Variants in C3orf70 observed in about 807,000 individuals in gnomAD.
C3orf70 encodes chromosome 3 open reading frame 70.
Under a neutral mutation model 20.7 loss-of-function variants are expected in C3orf70, and 15 were observed. The ratio of observed to expected loss-of-function variants is 0.72; its 90% confidence interval spans 0.48 to 1.11. The LOEUF (loss-of-function observed/expected upper bound fraction) is 1.11, where lower values mean the gene tolerates loss of function less well. C3orf70 is among the 50% of genes most tolerant of loss of function. The pLI, the probability that C3orf70 is intolerant of heterozygous loss-of-function variation, is 0.00. For synonymous variants in C3orf70, 161 were observed against 125.7 expected (o/e 1.28, Z -1.88); for missense variants, 332 against 317.6 (o/e 1.05, Z -0.34).
intron 1 of C3orf70, among the ~76,000 whole-genome samples, chr3:185,088,074 G>A (rs539673609): frequency 7.2e-5 from 11 of 152,190 alleles, no homozygotes; most frequent in Admixed American, 2.6e-4. Flanking sequence ...ACCATGCCCA[G>A]CTAATTTTGT....
chr3:185,150,572 T>C (rs1363494656), intron 1 of C3orf70, among the ~76,000 whole-genome samples: 1 of 152,234 alleles, frequency 6.6e-6, no homozygotes, highest in Non-Finnish European at 1.5e-5. Flanking sequence ...ATGGCTTTGA[T>C]GGCAAGCTTA....
At chr3:185,152,508 C>A in intron 1 of C3orf70, 120 bp downstream of exon 1, 1 of 824,268 alleles carries the variant, frequency 1.2e-6, no homozygotes, top group Non-Finnish European at 1.7e-6. Context: ...CAGCCTCCGG[C>A]AGAGCAGCCC....
At chr3:185,143,256 A>G (rs927655078) in intron 1 of C3orf70, among the ~76,000 whole-genome samples, 8 of 152,218 alleles carry the variant, frequency 5.3e-5, no homozygotes, top group African/African-American at 1.7e-4. Context: ...GGGAAAGGCG[A>G]GACAAGAGGA....
intron 1 of C3orf70, among the ~76,000 whole-genome samples, chr3:185,112,582 T>C (rs1243873949): frequency 6.6e-6 from 1 of 152,248 alleles, no homozygotes; most frequent in Non-Finnish European, 1.5e-5. Flanking sequence ...CTTATGCTGT[T>C]TGCACAACCT....
At chr3:185,089,548 T>G (rs1715522605) in intron 1 of C3orf70, among the ~76,000 whole-genome samples, 1 of 152,192 alleles carries the variant, frequency 6.6e-6, no homozygotes. Flanking sequence ...TCCTGTGAAG[T>G]GGAATCTTAG....
intron 1 of C3orf70, among the ~76,000 whole-genome samples, chr3:185,105,845 T>C (rs28831127): frequency 0.052 from 7,903 of 152,196 alleles, 668 homozygotes; most frequent in African/African-American, 0.18. Context: ...AAGGGGAGCT[T>C]GGAAGCGTCA....
At chr3:185,110,010 C>T (rs1373109764) in intron 1 of C3orf70, among the ~76,000 whole-genome samples, 1 of 152,192 alleles carries the variant, frequency 6.6e-6, no homozygotes, top group African/African-American at 2.4e-5. Context: ...CACGGCCACA[C>T]TATGTTCAGC....
At chr3:185,102,709 C>T (rs770889005) in intron 1 of C3orf70, among the ~76,000 whole-genome samples, 3 of 152,098 alleles carry the variant, frequency 2.0e-5, no homozygotes, top group South Asian at 2.1e-4. Flanking sequence ...CAAAAACGGA[C>T]ACACAGACCA....
chr3:185,121,062 A>T (rs1038700897), intron 1 of C3orf70, among the ~76,000 whole-genome samples: 2 of 152,224 alleles, frequency 1.3e-5, no homozygotes, highest in Non-Finnish European at 1.5e-5. Context: ...AAAAGGAATG[A>T]AGTAATGGCA....
chr3:185,117,408 AC>A (rs1249093876), intron 1 of C3orf70, among the ~76,000 whole-genome samples: 1 of 149,042 alleles, frequency 6.7e-6, no homozygotes, highest in Non-Finnish European at 1.5e-5. Flanking sequence ...CCATTTGTGT[AC>A]CACACACATA....
Position 185,080,500 on chromosome 3 carries a change from G to A in C3orf70, c.*2507C>T, listed in dbSNP as rs16859583. ...TAGTGGTGGGAATGTGGGCCTGTAC[G>A]GAACATTGACAGGAACGGTGTAGAG... On this transcript the variant is annotated 3_prime_UTR_variant, in exon 2 of 2. Coordinates refer to ENST00000335012, the MANE Select transcript of C3orf70 (RefSeq NM_001025266.3). 0.064 allele frequency: 9,786 copies of A among 152,726 alleles called. 362 individuals are homozygous for A. Among genetic ancestry groups the A allele is most frequent in the African/African-American group, 0.097 (4,021 of 41,518 alleles). The allele number at this position is 152,726 out of a possible 1,614,324, so 9.5% of individuals were successfully genotyped here.
At chr3:185,100,783 A>C (rs571512698) in intron 1 of C3orf70, among the ~76,000 whole-genome samples, 1 of 152,270 alleles carries the variant, frequency 6.6e-6, no homozygotes, top group Admixed American at 6.5e-5. Flanking sequence ...AATTAACAAA[A>C]TAGATCACTA....
intron 1 of C3orf70, among the ~76,000 whole-genome samples, chr3:185,131,555 T>A (rs748340334): frequency 1.6e-4 from 25 of 152,200 alleles, no homozygotes; most frequent in Non-Finnish European, 7.3e-5. Flanking sequence ...ATAGCAGGAT[T>A]TTTGTAACAG....
chr3:185,121,178 T>C (rs1716290220), intron 1 of C3orf70, among the ~76,000 whole-genome samples: 1 of 151,892 alleles, frequency 6.6e-6, no homozygotes, highest in Non-Finnish European at 1.5e-5. Context: ...AGCTAAGCTA[T>C]GAGGATGCAA....
intron 1 of C3orf70, among the ~76,000 whole-genome samples, chr3:185,089,646 T>A (rs1162797621): frequency 6.6e-6 from 1 of 152,222 alleles, no homozygotes. Context: ...GTACCCATTT[T>A]AAAAATAATA....
intron 1 of C3orf70, among the ~76,000 whole-genome samples, chr3:185,099,840 CAG>C (rs1303349575): frequency 6.6e-6 from 1 of 152,142 alleles, no homozygotes; most frequent in African/African-American, 2.4e-5. Context: ...ATGACACCTA[CAG>C]GCTCAAAATA....
chr3:185,121,074 C>T (rs7622902), intron 1 of C3orf70, among the ~76,000 whole-genome samples: 7,906 of 152,110 alleles, frequency 0.052, 670 homozygotes, highest in African/African-American at 0.18. Flanking sequence ...GTAATGGCAT[C>T]CACAGCAACC....
At chr3:185,107,354 A>C (rs776323500) in intron 1 of C3orf70, among the ~76,000 whole-genome samples, 12 of 152,220 alleles carry the variant, frequency 7.9e-5, no homozygotes, top group Non-Finnish European at 1.6e-4. Context: ...AATGGGGAGC[A>C]CAAGTTCTAA....
intron 1 of C3orf70, among the ~76,000 whole-genome samples, chr3:185,085,592 G>A (rs997726107): frequency 1.3e-5 from 2 of 152,168 alleles, no homozygotes; most frequent in African/African-American, 4.8e-5. Context: ...GCATTGAGAA[G>A]AACCCAGTCA....
Sources: gnomAD v4.1 joint callset for allele counts (sites outside exome capture counted in the v4.1 genomes callset) on GRCh38, gnomAD v4.1.1 for gene constraint, MANE v1.5 for transcripts, NCBI Gene and HGNC (gene_info 2026-07-23, HGNC 2026-07-21) for gene names.